POGK: variants seen among roughly 807,000 people sequenced by gnomAD.
The protein encoded by POGK is pogo transposable element with KRAB domain.
A neutral mutation model predicts 54.4 loss-of-function variants in POGK; 16 were observed. That is an observed-to-expected ratio of 0.29 (90% CI 0.20 to 0.45). The LOEUF is 0.45. POGK is among the 20% of genes least tolerant of loss of function. The pLI, the probability that POGK is intolerant of heterozygous loss-of-function variation, is 1.00. For synonymous variants in POGK, 271 were observed against 302.2 expected (o/e 0.90, Z 1.07); for missense variants, 515 against 795.6 (o/e 0.65, Z 4.24).
At position 166,847,097 on chromosome 1, in the gene POGK, C is replaced by A. The variant is rs193102168; in HGVS notation, c.259+359C>A. On this transcript the variant is annotated intron_variant, in intron 3 of 5. Coordinates refer to ENST00000367876, the MANE Select transcript of POGK (RefSeq NM_017542.5). ...TCAGCCTCAGAAGTTTGGGGACATA[C>A]CCTCCCAAAGACTGTTTGCTCCTCT... 4.6e-5 allele frequency among the ~76,000 whole-genome samples: 7 copies of A among 152,306 alleles called. No individual in the cohort carries two copies. The South Asian group carries it at 1.2e-3, about 27-fold the overall frequency.
chr1:166,852,945 C>T lies in POGK; in HGVS notation c.*375C>T, dbSNP rs534739485. ...GAAAAGACAATTTATTCAACACCAACGAGGGACTCATCATATGGGCACAAC... is the reference window on the plus strand; with the variant it reads ...GAAAAGACAATTTATTCAACACCAATGAGGGACTCATCATATGGGCACAAC... On this transcript the variant is annotated 3_prime_UTR_variant, in exon 6 of 6. Coordinates refer to ENST00000367876, the MANE Select transcript of POGK (RefSeq NM_017542.5). 2.0e-5 allele frequency: 3 copies of T among 152,330 alleles called. No homozygotes were observed. The highest frequency in any genetic ancestry group is 4.4e-5 in the Non-Finnish European group (3 of 68,036). 9.4% of individuals were successfully genotyped at this position (152,330 alleles called of 1,614,324 possible). A position where few individuals can be genotyped will look rare whatever the true frequency, so the allele number is the denominator to read the frequency against.
chr1:166,842,862 C>G (rs1036019761), intron 2 of POGK, among the ~76,000 whole-genome samples: 2 of 151,918 alleles, frequency 1.3e-5, no homozygotes, highest in African/African-American at 4.8e-5. Flanking sequence ...CACACACATA[C>G]ACACACAACA....
chr1:166,842,513 A>T (rs762348098), intron 2 of POGK, among the ~76,000 whole-genome samples: 1 of 152,228 alleles, frequency 6.6e-6, no homozygotes, highest in Non-Finnish European at 1.5e-5. Flanking sequence ...TAGTAAGCAC[A>T]GTGTGCAGAG....
chr1:166,849,449 C>T lies in POGK; in HGVS notation c.870C>T (p.Leu290=), dbSNP rs61745126. The T allele has an allele frequency of 2.0e-3, 3,154 of 1,614,208 alleles. 39 individuals carry two copies. The African/African-American group carries it at 0.03, about 15-fold the overall frequency. ...GGGAGGCGATGCAGCTGAAAGCTCTCGAAATCGCCCAGGAAATGAACATTC... is the reference window on the plus strand; with the variant it reads ...GGGAGGCGATGCAGCTGAAAGCTCTTGAAATCGCCCAGGAAATGAACATTC... ...ITREAMQLKA[L]EIAQEMNIPE... Residue 290 remains leucine (L), a synonymous_variant, in exon 5 of 6, where the codon CTC becomes CTT. Coordinates refer to ENST00000367876, the MANE Select transcript of POGK (RefSeq NM_017542.5).
At chr1:166,851,438 T>G (rs940979252) in intron 5 of POGK, 1 of 152,232 alleles carries the variant, frequency 6.6e-6, no homozygotes. Flanking sequence ...AGATATTTTT[T>G]AACTGAATCT....
At chr1:166,843,507 T>C (rs1297910373) in intron 2 of POGK, among the ~76,000 whole-genome samples, 1 of 152,186 alleles carries the variant, frequency 6.6e-6, no homozygotes. Flanking sequence ...ACTTAACCAC[T>C]CTGTTTCCTT....
At chr1:166,841,669 T>G (rs976215036) in intron 2 of POGK, among the ~76,000 whole-genome samples, 1 of 152,256 alleles carries the variant, frequency 6.6e-6, no homozygotes, top group African/African-American at 2.4e-5. Context: ...AGATAGTTAT[T>G]CACCGTAGTT....
intron 4 of POGK, 139 bp from the exon 5 acceptor site, chr1:166,848,799 C>G (rs765559327): frequency 7.8e-6 from 9 of 1,158,242 alleles, no homozygotes; most frequent in Non-Finnish European, 1.1e-5. Flanking sequence ...AGGACTTAGG[C>G]AATGTTACCT....
intron 2 of POGK, among the ~76,000 whole-genome samples, chr1:166,846,029 G>A (rs1371099235): frequency 1.3e-5 from 2 of 152,138 alleles, no homozygotes; most frequent in East Asian, 1.9e-4. Context: ...TTCTCTCAGT[G>A]GCTCCTCCCT....
chr1:166,851,466 A>G (rs1287152700), intron 5 of POGK: 1 of 152,238 alleles, frequency 6.6e-6, no homozygotes, highest in Non-Finnish European at 1.5e-5. Context: ...AAAAAAAGAA[A>G]ATAAAACGGT....
intron 2 of POGK, among the ~76,000 whole-genome samples, chr1:166,842,953 T>C (rs1227783984): frequency 1.3e-5 from 2 of 152,206 alleles, no homozygotes; most frequent in Non-Finnish European, 2.9e-5. Flanking sequence ...AGAATCTGTT[T>C]TTAAAATATG....
chr1:166,841,419 T>G (rs189792155), intron 2 of POGK, among the ~76,000 whole-genome samples: 1 of 152,364 alleles, frequency 6.6e-6, no homozygotes, highest in African/African-American at 2.4e-5. Context: ...GTTGACTTAC[T>G]GCTGGTTGAA....
intron 1 of POGK, 39 bp downstream of exon 1, chr1:166,839,643 C>T (rs1571216374): frequency 2.1e-5 from 3 of 144,266 alleles, no homozygotes; most frequent in African/African-American, 7.4e-5. Flanking sequence ...GGCGCGGCCC[C>T]TCCCCCGGGT....
intron 2 of POGK, among the ~76,000 whole-genome samples, chr1:166,841,345 G>T (rs910412982): frequency 6.6e-6 from 1 of 152,182 alleles, no homozygotes; most frequent in African/African-American, 2.4e-5. Flanking sequence ...TGTCTCTCTC[G>T]TTCACCCACT....
rs1035926020 is a variant in POGK, at chr1:166,855,941, C to G, written c.*3371C>G. ...TTCTTCCAAGCCCTAAAAATTCTTA[C>G]GTAGTTTCTCACCTAAAACTAATGG... On this transcript the variant is annotated 3_prime_UTR_variant, in exon 6 of 6. Transcript: ENST00000367876. The G allele has an allele frequency of 6.6e-6, 1 of 152,200 alleles. No homozygotes were observed. The highest frequency in any genetic ancestry group is 1.5e-5 in the Non-Finnish European group (1 of 68,046). 9.4% of individuals were successfully genotyped at this position (152,200 alleles called of 1,614,324 possible). A position where few individuals can be genotyped will look rare whatever the true frequency, so the allele number is the denominator to read the frequency against.
At position 166,848,981 on chromosome 1, in the gene POGK, A is replaced by G; in HGVS notation, c.402A>G (p.Pro134=). 6.2e-7 allele frequency: 1 copy of G among 1,613,502 alleles called. No individual in the cohort carries two copies. Among genetic ancestry groups the G allele is most frequent in the African/African-American group, 1.3e-5 (1 of 75,010 alleles). ...TAAAGCCTCCAGACTGGCCAAACCCAATGAATGCTACCTCCCAGTTTCCTC... is the reference window on the plus strand; with the variant it reads ...TAAAGCCTCCAGACTGGCCAAACCCGATGAATGCTACCTCCCAGTTTCCTC... ...SDVKPPDWPN[P]MNATSQFPQP... is the part of the protein sequence containing the mutation. The change falls in exon 5 of 6, where the codon CCA becomes CCG. Residue 134 remains proline (P), a synonymous_variant. Transcript: ENST00000367876.
chr1:166,842,433 G>A (rs1026144125), intron 2 of POGK, among the ~76,000 whole-genome samples: 11 of 152,340 alleles, frequency 7.2e-5, no homozygotes, highest in Admixed American at 1.3e-4. Flanking sequence ...AGTGCTGGGC[G>A]TAAAGAGAGA....
intron 5 of POGK, chr1:166,850,676 G>A (rs1658026023): frequency 1.2e-5 from 5 of 403,780 alleles, no homozygotes; most frequent in South Asian, 8.4e-5. Flanking sequence ...TCACAGCAGC[G>A]GCATTAGATT....
At chr1:166,843,956 C>A (rs576045931) in intron 2 of POGK, among the ~76,000 whole-genome samples, 1 of 152,304 alleles carries the variant, frequency 6.6e-6, no homozygotes, top group Admixed American at 6.5e-5. Context: ...CGGGGCCGGC[C>A]CTGTTTACCT....
Sources: gnomAD v4.1 joint callset for allele counts (sites outside exome capture counted in the v4.1 genomes callset) on GRCh38, gnomAD v4.1.1 for gene constraint, MANE v1.5 for transcripts, NCBI Gene and HGNC (gene_info 2026-07-23, HGNC 2026-07-21) for gene names.